The following GLIS1 variants were observed in gnomAD, a reference collection of about 807,000 sequenced individuals.
The protein encoded by GLIS1 is GLIS family zinc finger 1, also known as zinc finger protein GLIS1.
A neutral mutation model predicts 63.8 loss-of-function variants in GLIS1; 24 were observed. The observed-to-expected ratio is 0.38, with a 90% confidence interval of 0.27 to 0.53. GLIS1 has a LOEUF of 0.53. GLIS1 is among the 20% of genes least tolerant of loss of function. The pLI, the probability that GLIS1 is intolerant of heterozygous loss-of-function variation, is 0.85. For synonymous variants in GLIS1, 450 were observed against 482.5 expected, an observed-to-expected ratio of 0.93 and a Z score of 0.88; for missense variants, 1,036 against 1,074.1, an observed-to-expected ratio of 0.96 and a Z score of 0.50.
At chr1:53,672,777 C>T (rs1646166471) in intron 2 of GLIS1, among the ~76,000 whole-genome samples, 1 of 152,214 alleles carries the variant, frequency 6.6e-6, no homozygotes, top group Non-Finnish European at 1.5e-5. Flanking sequence ...CCGACACAAA[C>T]CTCGAGTTTT....
intron 2 of GLIS1, among the ~76,000 whole-genome samples, chr1:53,642,671 T>C (rs976921407): frequency 2.6e-5 from 4 of 152,202 alleles, no homozygotes; most frequent in African/African-American, 9.7e-5. Context: ...TCACATGAGC[T>C]AAGCTCTCTC....
chr1:53,527,784 G>A (rs1210832155), intron 5 of GLIS1, among the ~76,000 whole-genome samples: 1 of 152,230 alleles, frequency 6.6e-6, no homozygotes. Context: ...GGATCCGAGT[G>A]GGGTGCTGGG....
chr1:53,509,538 C>T (rs544614445), intron 9 of GLIS1, among the ~76,000 whole-genome samples: 3 of 152,238 alleles, frequency 2.0e-5, no homozygotes, highest in East Asian at 3.9e-4. Context: ...CTGAGTCACC[C>T]GTGGCTGATG....
At position 53,520,758 on chromosome 1, in the gene GLIS1, C is replaced by G; in HGVS notation, c.1602G>C (p.Ala534=). 6.2e-7 allele frequency: 1 copy of G among 1,604,974 alleles called. No homozygotes were observed. The highest frequency in any genetic ancestry group is 8.5e-7 in the Non-Finnish European group (1 of 1,175,716). ...KEQQVRKKLH[A]GPDTEADVLT... ...GGACGTCGGCCTCGGTGTCAGGGCC[C>G]GCATGCAGCTGGGGAGCAAGCAGAG... is the stretch of plus-strand genomic sequence containing the variant. Residue 534 remains alanine (A), a synonymous_variant, in exon 7 of 11, where the codon GCG becomes GCC. Coordinates refer to ENST00000628545, the MANE Select transcript of GLIS1 (RefSeq NM_001367484.1).
chr1:53,527,003 C>T (rs1037385583), intron 5 of GLIS1, among the ~76,000 whole-genome samples: 1 of 152,240 alleles, frequency 6.6e-6, no homozygotes, highest in Admixed American at 6.5e-5. Context: ...CACTTGGAGG[C>T]CAGCTCTGCT....
intron 2 of GLIS1, among the ~76,000 whole-genome samples, chr1:53,613,651 T>TG (rs899404544): frequency 1.4e-3 from 16 of 11,846 alleles, no homozygotes; most frequent in East Asian, 0.024. Flanking sequence ...ATATTTTTGG[T>TG]GGTTTTTTTT....
chr1:53,687,839 G>A (rs1316857682), intron 2 of GLIS1, among the ~76,000 whole-genome samples: 1 of 152,192 alleles, frequency 6.6e-6, no homozygotes, highest in Non-Finnish European at 1.5e-5. Flanking sequence ...GCTCCCACTT[G>A]TGCAGGCTCC....
intron 2 of GLIS1, among the ~76,000 whole-genome samples, chr1:53,690,706 C>T (rs1356431700): frequency 6.6e-6 from 1 of 152,152 alleles, no homozygotes. Context: ...GGAGGCAGGA[C>T]ATTTGAACTG....
intron 2 of GLIS1, among the ~76,000 whole-genome samples, chr1:53,683,886 C>T (rs1186722134): frequency 6.6e-6 from 1 of 152,074 alleles, no homozygotes; most frequent in African/African-American, 2.4e-5. Flanking sequence ...ACAGTCCTTG[C>T]CAGGCTTGAG....
At chr1:53,506,841 A>G in intron 10 of GLIS1, 65 bp from the exon 11 acceptor site, 2 of 1,502,160 alleles carry the variant, frequency 1.3e-6, no homozygotes, top group Non-Finnish European at 1.8e-6. Context: ...CATGCTTCCC[A>G]GTTCCAGGCC....
At chr1:53,617,874 C>T (rs1163964776) in intron 2 of GLIS1, among the ~76,000 whole-genome samples, 1 of 152,132 alleles carries the variant, frequency 6.6e-6, no homozygotes, top group African/African-American at 2.4e-5. Flanking sequence ...CAAGGTCTCC[C>T]CCAAGGTCAC....
intron 4 of GLIS1, among the ~76,000 whole-genome samples, chr1:53,592,016 A>G (rs920887103): frequency 6.6e-6 from 1 of 152,078 alleles, no homozygotes; most frequent in Admixed American, 6.5e-5. Context: ...TCTCCCACCC[A>G]TCTCTGAGCA....
chr1:53,520,578 G>T, intron 7 of GLIS1, 56 bp downstream of exon 7: 7 of 1,521,616 alleles, frequency 4.6e-6, no homozygotes, highest in Non-Finnish European at 6.2e-6. Context: ...TTGACTGTGG[G>T]CAGAGAAAGG....
At chr1:53,647,735 C>A (rs933594669) in intron 2 of GLIS1, among the ~76,000 whole-genome samples, 2 of 152,072 alleles carry the variant, frequency 1.3e-5, no homozygotes, top group African/African-American at 4.8e-5. Context: ...GATGAATAAA[C>A]TAGATTATTT....
At chr1:53,707,877 A>G (rs914243559) in intron 2 of GLIS1, among the ~76,000 whole-genome samples, 11 of 152,060 alleles carry the variant, frequency 7.2e-5, no homozygotes, top group Non-Finnish European at 2.9e-5. Context: ...TAAATGAGAT[A>G]CTGGACAAAG....
intron 4 of GLIS1, among the ~76,000 whole-genome samples, chr1:53,587,212 C>T (rs993988785): frequency 6.6e-6 from 1 of 152,174 alleles, no homozygotes; most frequent in Non-Finnish European, 1.5e-5. Context: ...GCAGGCATCC[C>T]TGGGTTGCTG....
chr1:53,601,424 C>T (rs1645316738), intron 2 of GLIS1, among the ~76,000 whole-genome samples: 1 of 152,160 alleles, frequency 6.6e-6, no homozygotes, highest in Admixed American at 6.5e-5. Context: ...CAAGTATGGC[C>T]AACCCTGAGA....
At chr1:53,638,999 C>T (rs566907857) in intron 2 of GLIS1, among the ~76,000 whole-genome samples, 26 of 152,196 alleles carry the variant, frequency 1.7e-4, no homozygotes, top group African/African-American at 2.6e-4. Flanking sequence ...GACCAGATGA[C>T]GCCAAGGTCT....
chr1:53,625,172 G>A (rs1023343091), intron 2 of GLIS1, among the ~76,000 whole-genome samples: 5 of 152,114 alleles, frequency 3.3e-5, no homozygotes, highest in Admixed American at 6.5e-5. Flanking sequence ...CTTCTGAGCA[G>A]GAAGGAGTCA....
Sources: allele counts gnomAD v4.1 joint callset (sites outside exome capture counted in the v4.1 genomes callset), GRCh38; gene constraint gnomAD v4.1.1; transcripts MANE v1.5; gene names NCBI Gene and HGNC (gene_info 2026-07-23, HGNC 2026-07-21).